The following PTCD3 variants were observed in gnomAD, a reference collection of about 807,000 sequenced individuals.
PTCD3 encodes the protein pentatricopeptide repeat domain 3.
PTCD3 carries 89 observed loss-of-function variants against 101.9 expected under a neutral mutation model. That is an observed-to-expected ratio of 0.87 (90% CI 0.74 to 1.04). The LOEUF (loss-of-function observed/expected upper bound fraction) is 1.04. Among genes scored for constraint, PTCD3 ranks in the 50% least tolerant of loss-of-function variants. PTCD3 has a pLI of 0.00. For missense variants in PTCD3, 870 were observed against 828.2 expected (o/e 1.05, Z -0.62); for synonymous variants, 296 against 278.5 (o/e 1.06, Z -0.63).
At chr2:86,116,802 A>G (rs1573849838) in intron 5 of PTCD3, among the ~76,000 whole-genome samples, 1 of 152,344 alleles carries the variant, frequency 6.6e-6, no homozygotes, top group Admixed American at 6.5e-5. Flanking sequence ...TCTAATACTT[A>G]GGGCTTTTTC....
chr2:86,121,714 G>A, intron 8 of PTCD3, 120 bp downstream of exon 8: 1 of 569,446 alleles, frequency 1.8e-6, no homozygotes, highest in East Asian at 2.9e-5. Context: ...GTACTGAGAT[G>A]TGTGGTACGA....
rs1674681057 is a variant in PTCD3 at position 86,141,331 on chromosome 2, C to G, written c.*3772C>G. The G allele has an allele frequency of 6.6e-6, 1 of 152,240 alleles. No individual in the cohort carries two copies. Among genetic ancestry groups the G allele is most frequent in the South Asian group, 2.1e-4 (1 of 4,836 alleles). The allele number at this position is 152,240 out of a possible 1,614,324, so 9.4% of individuals were successfully genotyped here. ...AGGGAAGCATAGACCTATAGTACAA[C>G]AGGGGTGTAGTGACCACTGGACCTG... On this transcript the variant is annotated 3_prime_UTR_variant, in exon 24 of 24. Coordinates refer to ENST00000254630, the MANE Select transcript of PTCD3 (RefSeq NM_017952.6).
intron 21 of PTCD3, among the ~76,000 whole-genome samples, 196 bp from the exon 22 acceptor site, chr2:86,136,325 G>GT (rs1418558290): frequency 6.7e-6 from 1 of 149,130 alleles, no homozygotes; most frequent in East Asian, 2.0e-4. Context: ...CGTTTGGGGA[G>GT]TTTAAGCACC....
chr2:86,126,244 G>GA (rs34929770), intron 12 of PTCD3, among the ~76,000 whole-genome samples: 2 of 140,530 alleles, frequency 1.4e-5, no homozygotes, highest in African/African-American at 2.8e-5. Flanking sequence ...AAAAAAAAAA[G>GA]AAAAAGAAAC....
At chr2:86,121,826 T>G (rs1351980727) in intron 8 of PTCD3, among the ~76,000 whole-genome samples, 1 of 152,234 alleles carries the variant, frequency 6.6e-6, no homozygotes, top group Non-Finnish European at 1.5e-5. Context: ...TACTTCATAT[T>G]AAGGCAAAGC....
intron 1 of PTCD3, among the ~76,000 whole-genome samples, chr2:86,107,537 G>C (rs1328957440): frequency 6.6e-6 from 1 of 152,156 alleles, no homozygotes; most frequent in Admixed American, 6.5e-5. Flanking sequence ...CATTATCTGT[G>C]GTGTGTTGAC....
chr2:86,112,258 G>C (rs988908992), intron 4 of PTCD3, among the ~76,000 whole-genome samples: 26 of 150,132 alleles, frequency 1.7e-4, no homozygotes, highest in Admixed American at 1.4e-3. Context: ...GGGTTTCGCT[G>C]TGCTCACCAG....
chr2:86,119,167 G>T, intron 7 of PTCD3, 123 bp downstream of exon 7: 1 of 1,261,678 alleles, frequency 7.9e-7, no homozygotes, highest in East Asian at 2.5e-5. Flanking sequence ...TTTGATGGCT[G>T]CGTGCTTTAT....
chr2:86,137,631 C>G lies in PTCD3; in HGVS notation c.*72C>G, dbSNP rs1371445558. The G allele has an allele frequency of 6.3e-7, 1 of 1,587,504 alleles. No homozygotes were observed. Among genetic ancestry groups the G allele is most frequent in the East Asian group, 2.3e-5 (1 of 43,642 alleles). ...ATCACACCTGAGAACTGAGATATAC[C>G]AATATTTAACATTGTTACAAAGAAG... On this transcript the variant is annotated 3_prime_UTR_variant, in exon 24 of 24. Transcript: ENST00000254630.
chr2:86,134,267 C>A, intron 19 of PTCD3, 25 bp from the exon 20 acceptor site: 1 of 1,521,654 alleles, frequency 6.6e-7, no homozygotes, highest in Non-Finnish European at 9.1e-7. Context: ...ACAATGATCA[C>A]TCCTTGTTCC....
At chr2:86,135,099 C>G in intron 21 of PTCD3, 112 bp downstream of exon 21, 2 of 1,286,182 alleles carry the variant, frequency 1.6e-6, no homozygotes, top group South Asian at 1.7e-5. Flanking sequence ...GTATTTGATT[C>G]GGGAACTTGC....
At chr2:86,132,645 A>T in intron 17 of PTCD3, 2 of 410,738 alleles carry the variant, frequency 4.9e-6, no homozygotes, top group Admixed American at 4.3e-5. Flanking sequence ...TTTTTTTGCA[A>T]CACTGTAAAA....
At chr2:86,122,001 G>T (rs536629765) in intron 8 of PTCD3, among the ~76,000 whole-genome samples, 1 of 152,144 alleles carries the variant, frequency 6.6e-6, no homozygotes, top group Non-Finnish European at 1.5e-5. Context: ...GCCGGGGCCC[G>T]CCTGTAAGTT....
At chr2:86,121,227 A>C (rs1674273912) in intron 7 of PTCD3, among the ~76,000 whole-genome samples, 1 of 152,212 alleles carries the variant, frequency 6.6e-6, no homozygotes, top group African/African-American at 2.4e-5. Flanking sequence ...ACATAAAATA[A>C]GTGAGCACAG....
chr2:86,132,946 C>G, intron 17 of PTCD3: 1 of 556,252 alleles, frequency 1.8e-6, no homozygotes, highest in Non-Finnish European at 3.1e-6. Context: ...TCACCATGAC[C>G]TAAGAGTATA....
intron 10 of PTCD3, 89 bp from the exon 11 acceptor site, chr2:86,125,366 C>G: frequency 1.5e-6 from 2 of 1,368,890 alleles, no homozygotes; most frequent in South Asian, 2.4e-5. Flanking sequence ...TCTATTGAGC[C>G]TGAGCTATAT....
chr2:86,132,675 T>C, intron 17 of PTCD3: 1 of 369,794 alleles, frequency 2.7e-6, no homozygotes, highest in East Asian at 4.7e-5. Flanking sequence ...CTTTTTCCTC[T>C]ACCCCCTCTC....
chr2:86,136,911 C>G, intron 22 of PTCD3, 71 bp from the exon 23 acceptor site: 2 of 1,554,716 alleles, frequency 1.3e-6, no homozygotes, highest in Non-Finnish European at 1.8e-6. Flanking sequence ...ACTGAACTTA[C>G]ACTGGATCTT....
At chr2:86,116,958 T>G in intron 5 of PTCD3, 97 bp from the exon 6 acceptor site, 2 of 616,256 alleles carry the variant, frequency 3.2e-6, no homozygotes, top group Non-Finnish European at 5.8e-6. Flanking sequence ...GTTGCATTTG[T>G]TTTTTTTTGT....
Sources: allele counts gnomAD v4.1 joint callset (sites outside exome capture counted in the v4.1 genomes callset), GRCh38; gene constraint gnomAD v4.1.1; transcripts MANE v1.5; gene names NCBI Gene and HGNC (gene_info 2026-07-23, HGNC 2026-07-21).